Variants in DPP6 observed in about 807,000 individuals in gnomAD.
The protein encoded by DPP6 is A-type potassium channel modulatory protein DPP6.
DPP6 carries 69 observed loss-of-function variants against 122.6 expected under a neutral mutation model. The ratio of observed to expected loss-of-function variants is 0.56; its 90% CI spans 0.46 to 0.69. DPP6 has a LOEUF of 0.69. DPP6 is among the 30% of genes least tolerant of loss of function. The pLI is 0.00. For synonymous variants in DPP6, 418 were observed against 433.1 expected (o/e 0.97, Z 0.43); for missense variants, 928 against 1,116.9 (o/e 0.83, Z 2.41).
At chr7:154,174,878 C>CTTT (rs60317194) in intron 1 of DPP6, among the ~76,000 whole-genome samples, 4 of 144,906 alleles carry the variant, frequency 2.8e-5, no homozygotes, top group Non-Finnish European at 4.5e-5. Flanking sequence ...TTCTTTCTTT[C>CTTT]TTTTTTTTTT....
At chr7:154,801,573 T>C (rs993866191) in intron 13 of DPP6, 111 bp downstream of exon 13, 33 of 1,413,218 alleles carry the variant, frequency 2.3e-5, no homozygotes, top group Non-Finnish European at 3.0e-5. Context: ...CCAAGGAATC[T>C]GAAGGTGGTT....
At chr7:154,028,558 G>A (rs1320175657) in intron 1 of DPP6, among the ~76,000 whole-genome samples, 2 of 151,556 alleles carry the variant, frequency 1.3e-5, no homozygotes, top group Non-Finnish European at 2.9e-5. Context: ...CTCCTCGGTG[G>A]GGCTGACACG....
chr7:154,035,995 A>T (rs1228224136), intron 1 of DPP6, among the ~76,000 whole-genome samples: 1 of 149,218 alleles, frequency 6.7e-6, no homozygotes, highest in African/African-American at 2.5e-5. Context: ...GAGAATGATG[A>T]ATGGCCAGGA....
chr7:153,889,422 G>T (rs1799090936), intron 1 of DPP6, among the ~76,000 whole-genome samples: 1 of 152,136 alleles, frequency 6.6e-6, no homozygotes, highest in South Asian at 2.1e-4. Flanking sequence ...AGGGAAACCT[G>T]TATATTTAGG....
intron 1 of DPP6, chr7:154,305,060 G>T (rs181407400): frequency 1.2e-5 from 1 of 85,172 alleles, no homozygotes; most frequent in African/African-American, 5.1e-5. Context: ...CCCAGCCCCA[G>T]CCCCAGCCCC....
At chr7:154,350,772 A>C (rs1273775059) in intron 1 of DPP6, among the ~76,000 whole-genome samples, 1 of 152,218 alleles carries the variant, frequency 6.6e-6, no homozygotes, top group Non-Finnish European at 1.5e-5. Flanking sequence ...TAATAATCAT[A>C]GGGCAGCTGA....
At chr7:154,030,271 T>C (rs934394707) in intron 1 of DPP6, among the ~76,000 whole-genome samples, 5 of 152,218 alleles carry the variant, frequency 3.3e-5, no homozygotes, top group African/African-American at 4.8e-5. Flanking sequence ...TGAAATGTTA[T>C]AGACATCTTC....
At chr7:154,232,862 C>T (rs1444659601) in intron 1 of DPP6, among the ~76,000 whole-genome samples, 1 of 152,206 alleles carries the variant, frequency 6.6e-6, no homozygotes, top group Non-Finnish European at 1.5e-5. Context: ...ACATACAATG[C>T]GGGAGGAACG....
At chr7:153,936,912 T>C (rs1801473696) in intron 1 of DPP6, among the ~76,000 whole-genome samples, 1 of 152,150 alleles carries the variant, frequency 6.6e-6, no homozygotes, top group African/African-American at 2.4e-5. Flanking sequence ...ACAGTGTTTG[T>C]GGGACTTTGT....
At chr7:154,444,625 A>G (rs148702457) in intron 1 of DPP6, among the ~76,000 whole-genome samples, 339 of 152,356 alleles carry the variant, frequency 2.2e-3, no homozygotes, top group African/African-American at 7.7e-3. Context: ...AGGAATGTCA[A>G]CTGGGCTGTG....
intron 1 of DPP6, among the ~76,000 whole-genome samples, chr7:154,269,940 G>A (rs1012674375): frequency 3.3e-5 from 5 of 152,268 alleles, no homozygotes; most frequent in Admixed American, 1.3e-4. Context: ...TTCATCTGGT[G>A]TCAAACCCTA....
rs1410475410 is a variant in DPP6 at position 154,055,851 on chromosome 7, T to C, written c.243+2788T>C. ...TTCCAAGGTACAGAAACAGCTTCGCTGCCTTGGTCACTAAGATGATGGCAA... is the reference window on the plus strand; with the variant it reads ...TTCCAAGGTACAGAAACAGCTTCGCCGCCTTGGTCACTAAGATGATGGCAA... On this transcript the variant is annotated intron_variant, in intron 1 of 25. Transcript: ENST00000377770. The C allele has an allele frequency of 2.0e-5, 3 of 152,264 alleles. No individual in the cohort carries two copies. In the South Asian group the frequency reaches 6.2e-4, roughly 32 times the overall value. The allele number at this position is 152,264 out of a possible 1,614,324, so 9.4% of individuals were successfully genotyped here.
intron 6 of DPP6, among the ~76,000 whole-genome samples, chr7:154,644,535 T>C (rs1047751983): frequency 2.6e-5 from 4 of 152,244 alleles, no homozygotes; most frequent in Admixed American, 2.6e-4. Flanking sequence ...TCCAGCCCTT[T>C]CTTCCTGTGT....
chr7:154,212,648 A>G lies in DPP6; in HGVS notation c.243+159585A>G, dbSNP rs376803746. Among the ~76,000 whole-genome samples, 13 of 152,272 alleles carry G rather than the reference A, an allele frequency of 8.5e-5. No homozygotes were observed. In the East Asian group the frequency reaches 2.3e-3, roughly 27 times the overall value. On this transcript the variant is annotated intron_variant, in intron 1 of 25. Coordinates refer to ENST00000377770, the MANE Select transcript of DPP6 (RefSeq NM_130797.4). ...ATCAGCAAGTGCTTCTTGGTCACCT[A>G]TTGTATAAGTAGAAATGGATGCCCT...
At chr7:153,798,290 A>G in the DPP6 span, among the ~76,000 whole-genome samples, 1 of 152,222 alleles carries the variant, frequency 6.6e-6, no homozygotes, top group Non-Finnish European at 1.5e-5. Context: ...GGTTTCGGGG[A>G]TGCAGAAATT....
At chr7:154,072,153 T>C (rs1166414162) in intron 1 of DPP6, among the ~76,000 whole-genome samples, 1 of 152,206 alleles carries the variant, frequency 6.6e-6, no homozygotes, top group East Asian at 1.9e-4. Flanking sequence ...CTTATGTCAA[T>C]AGAAGGAAAT....
intron 7 of DPP6, among the ~76,000 whole-genome samples, chr7:154,701,799 C>T (rs935464836): frequency 1.3e-5 from 2 of 152,202 alleles, no homozygotes; most frequent in African/African-American, 4.8e-5. Flanking sequence ...GTGAGATCTC[C>T]TCCAGAAACA....
intron 1 of DPP6, among the ~76,000 whole-genome samples, chr7:154,143,540 T>C (rs541224754): frequency 0.012 from 1,816 of 152,156 alleles, 16 homozygotes; most frequent in African/African-American, 0.041. Context: ...AAGTGACCTA[T>C]ACTCTAATCA....
intron 1 of DPP6, among the ~76,000 whole-genome samples, chr7:154,303,133 C>T (rs531121620): frequency 1.3e-5 from 2 of 152,310 alleles, no homozygotes; most frequent in South Asian, 2.1e-4. Flanking sequence ...AGGCATGCGC[C>T]GCCACGCCCA....
Sources: allele counts gnomAD v4.1 joint callset (sites outside exome capture counted in the v4.1 genomes callset), GRCh38; gene constraint gnomAD v4.1.1; transcripts MANE v1.5; gene names NCBI Gene and HGNC (gene_info 2026-07-23, HGNC 2026-07-21).